KIAA1217: variants seen among roughly 807,000 people sequenced by gnomAD.
The protein encoded by KIAA1217 is KIAA1217.
KIAA1217 carries 88 observed loss-of-function variants against 163.9 expected under a neutral mutation model. The ratio of observed to expected loss-of-function variants is 0.54; its 90% confidence interval spans 0.45 to 0.64. The LOEUF (loss-of-function observed/expected upper bound fraction) is 0.64, where lower values mean the gene tolerates loss of function less well. Among genes scored for constraint, KIAA1217 ranks in the 30% least tolerant of loss-of-function variants. The probability of loss-of-function intolerance (pLI) is 0.00; values close to 1 mark genes in which losing one functional copy is unlikely to be tolerated. For synonymous variants in KIAA1217, 903 were observed against 923.1 expected (o/e 0.98, Z 0.39); for missense variants, 2,372 against 2,475.0 (o/e 0.96, Z 0.88).
chr10:23,764,447 A>T (rs2130864473), intron 1 of KIAA1217, among the ~76,000 whole-genome samples: 1 of 152,340 alleles, frequency 6.6e-6, no homozygotes, highest in South Asian at 2.1e-4. Context: ...ATTACTGGAT[A>T]TGTACTCAAA....
intron 2 of KIAA1217, among the ~76,000 whole-genome samples, chr10:24,310,781 G>C (rs1013198655): frequency 2.0e-5 from 3 of 152,238 alleles, no homozygotes; most frequent in African/African-American, 7.2e-5. Context: ...TGGATCACTT[G>C]AGCCCAGGAG....
At position 24,354,821 on chromosome 10, in the gene KIAA1217, G is replaced by A. The variant is rs958339042; in HGVS notation, c.355-26048G>A. Among the ~76,000 whole-genome samples the A allele has an allele frequency of 3.3e-5, 5 of 152,100 alleles. 1 individual carries two copies. Among genetic ancestry groups the A allele is most frequent in the Non-Finnish European group, 7.4e-5 (5 of 68,024 alleles). On this transcript the variant is annotated intron_variant, in intron 2 of 20. Transcript: ENST00000376454. ...GGTTTATATGGGTACAGGATAGGGAGGCATGGCAGACCAAAAGGCAACATT... is the reference window on the plus strand; with the variant it reads ...GGTTTATATGGGTACAGGATAGGGAAGCATGGCAGACCAAAAGGCAACATT...
chr10:23,992,984 C>T (rs1320520702), intron 1 of KIAA1217, among the ~76,000 whole-genome samples: 2 of 148,274 alleles, frequency 1.3e-5, no homozygotes, highest in Non-Finnish European at 3.0e-5. Context: ...TTAAGAGCCA[C>T]TTGCAGTCAC....
intron 6 of KIAA1217, among the ~76,000 whole-genome samples, chr10:24,485,088 G>C (rs1440038426): frequency 6.7e-5 from 9 of 133,580 alleles, no homozygotes; most frequent in African/African-American, 2.4e-4. Flanking sequence ...GGACCTGCCC[G>C]CTTTTTTTTT....
chr10:24,029,572 A>G (rs1848107098), intron 2 of KIAA1217, among the ~76,000 whole-genome samples: 1 of 152,182 alleles, frequency 6.6e-6, no homozygotes, highest in Non-Finnish European at 1.5e-5. Context: ...CAGAGGATTT[A>G]CTAGCAAGGA....
upstream of KIAA1217, among the ~76,000 whole-genome samples, chr10:24,203,847 A>G (rs372480916): frequency 9.8e-5 from 15 of 152,312 alleles, no homozygotes; most frequent in Admixed American, 7.2e-4. Flanking sequence ...CTTTTCACTT[A>G]TAAGTTGCCA....
intron 16 of KIAA1217, 143 bp from the exon 17 acceptor site, chr10:24,536,631 T>C (rs1397145411): frequency 2.8e-6 from 2 of 723,080 alleles, no homozygotes; most frequent in Non-Finnish European, 4.5e-6. Flanking sequence ...AGGAGCAGGA[T>C]TTCAGGGTGC....
chr10:23,949,561 G>C (rs554505848), intron 1 of KIAA1217, among the ~76,000 whole-genome samples: 2 of 151,426 alleles, frequency 1.3e-5, no homozygotes, highest in South Asian at 4.2e-4. Flanking sequence ...TTATTTGCTA[G>C]AAAAAAAATA....
In KIAA1217 at chr10:24,002,676, T is replaced by C. The variant is rs565519258; in HGVS notation, c.-320-4549T>C. On this transcript the variant is annotated intron_variant, in intron 1 of 18. Coordinates refer to the KIAA1217 transcript ENST00000376462. ...TTTTTAAATTTTATTTTGGTAGTTTTGGGGGTACAGGTGGTTTTTGGTTCC... is the reference window on the plus strand; with the variant it reads ...TTTTTAAATTTTATTTTGGTAGTTTCGGGGGTACAGGTGGTTTTTGGTTCC... Among the ~76,000 whole-genome samples the C allele has an allele frequency of 3.2e-4, 48 of 152,302 alleles. No homozygotes were observed. In the South Asian group the frequency reaches 9.1e-3, roughly 29 times the overall value.
intron 1 of KIAA1217, among the ~76,000 whole-genome samples, chr10:23,957,390 C>A (rs1456300015): frequency 6.6e-6 from 1 of 152,114 alleles, no homozygotes; most frequent in African/African-American, 2.4e-5. Context: ...TCCTAGTCAT[C>A]CTTTAGGTTC....
intron 1 of KIAA1217, among the ~76,000 whole-genome samples, chr10:23,948,174 C>T (rs1844148017): frequency 2.6e-5 from 4 of 152,016 alleles, no homozygotes. Context: ...GGTTCAAATC[C>T]CAGCTCTCAC....
At chr10:24,531,604 T>C (rs562264775) in intron 14 of KIAA1217, among the ~76,000 whole-genome samples, 2 of 152,326 alleles carry the variant, frequency 1.3e-5, no homozygotes, top group African/African-American at 2.4e-5. Context: ...ATACTACCCA[T>C]TTAACAGATG....
At chr10:24,393,866 C>G (rs1311071257) in intron 3 of KIAA1217, among the ~76,000 whole-genome samples, 2 of 152,178 alleles carry the variant, frequency 1.3e-5, no homozygotes, top group African/African-American at 2.4e-5. Context: ...CACAGCCCCA[C>G]GTACTTAATT....
chr10:24,041,115 A>G (rs1848611385), intron 2 of KIAA1217, among the ~76,000 whole-genome samples: 1 of 152,230 alleles, frequency 6.6e-6, no homozygotes, highest in African/African-American at 2.4e-5. Context: ...ATAGCACAGT[A>G]TTTACACTTG....
chr10:23,985,815 G>C (rs1324361131), intron 1 of KIAA1217, among the ~76,000 whole-genome samples: 1 of 152,126 alleles, frequency 6.6e-6, no homozygotes, highest in East Asian at 1.9e-4. Flanking sequence ...TAAAGCCTTA[G>C]AGGAGAAGGT....
chr10:24,391,333 CTTTTT>C (rs768727392), intron 3 of KIAA1217, among the ~76,000 whole-genome samples: 1 of 29,890 alleles, frequency 3.3e-5, no homozygotes, highest in Admixed American at 3.7e-4. Flanking sequence ...TTCTTTCTTT[CTTTTT>C]TTTTTTTTTT....
intron 8 of KIAA1217, among the ~76,000 whole-genome samples, chr10:24,496,657 A>T (rs11596851): frequency 6.6e-6 from 1 of 152,110 alleles, no homozygotes; most frequent in Non-Finnish European, 1.5e-5. Context: ...GGAGAGGTAC[A>T]GTTTTTATTC....
rs146528317 is a variant in KIAA1217, at chr10:24,285,329, G to A, written c.354+65420G>A. Among the ~76,000 whole-genome samples, 11 of 152,152 alleles carry A rather than the reference G, an allele frequency of 7.2e-5. No individual in the cohort carries two copies. In the East Asian group the frequency reaches 7.7e-4, roughly 11 times the overall value. On this transcript the variant is annotated intron_variant, in intron 2 of 20. Transcript: ENST00000376454. ...GCCAATGTCTGAGGGGTATTCCCTC[G>A]GTTTTCTTCTAGGATTTTTATAGTG...
At chr10:24,022,949 A>G (rs1432347778) in intron 2 of KIAA1217, among the ~76,000 whole-genome samples, 1 of 151,742 alleles carries the variant, frequency 6.6e-6, no homozygotes, top group East Asian at 1.9e-4. Flanking sequence ...GGATATCTAT[A>G]AAAAACCTAC....
Sources: gnomAD v4.1 joint callset for allele counts (sites outside exome capture counted in the v4.1 genomes callset) on GRCh38, gnomAD v4.1.1 for gene constraint, MANE v1.5 for transcripts, NCBI Gene and HGNC (gene_info 2026-07-23, HGNC 2026-07-21) for gene names.